The following OTUD4 variants were observed in gnomAD, a reference collection of about 807,000 sequenced individuals.
OTUD4 encodes the protein OTU deubiquitinase 4.
A neutral mutation model predicts 130.4 loss-of-function variants in OTUD4; 24 were observed. The observed-to-expected ratio is 0.18, with a 90% confidence interval of 0.13 to 0.26. The LOEUF is 0.26. OTUD4 is among the 10% of genes least tolerant of loss of function. The pLI is 1.00. For synonymous variants in OTUD4, 420 were observed against 472.5 expected, an observed-to-expected ratio of 0.89 and a Z score of 1.44; for missense variants, 1,031 against 1,329.4, an observed-to-expected ratio of 0.78 and a Z score of 3.49.
chr4:145,149,809 GT>G (rs1470245342), intron 13 of OTUD4, among the ~76,000 whole-genome samples: 1 of 152,224 alleles, frequency 6.6e-6, no homozygotes, highest in Non-Finnish European at 1.5e-5. Flanking sequence ...AAAGGTACTT[GT>G]CATAGTCACC....
chr4:145,176,046 T>C (rs1057147985), intron 1 of OTUD4, among the ~76,000 whole-genome samples: 12 of 150,360 alleles, frequency 8.0e-5, no homozygotes, highest in East Asian at 2.0e-4. Flanking sequence ...TTCTTTCTTT[T>C]TTTTTTTTCC....
chr4:145,169,395 T>C (rs1303380529), intron 3 of OTUD4, among the ~76,000 whole-genome samples: 1 of 152,246 alleles, frequency 6.6e-6, no homozygotes, highest in Non-Finnish European at 1.5e-5. Context: ...CTCTGAGAAC[T>C]GGATGAAGCA....
At chr4:145,155,514 CT>C in intron 9 of OTUD4, 39 bp from the exon 10 acceptor site, 4 of 1,598,132 alleles carry the variant, frequency 2.5e-6, no homozygotes, top group Non-Finnish European at 2.6e-6. Context: ...ATAAAGTTGA[CT>C]TATTTTCAAG....
intron 6 of OTUD4, among the ~76,000 whole-genome samples, chr4:145,159,956 T>C (rs1751478646): frequency 6.6e-6 from 1 of 152,228 alleles, no homozygotes. Context: ...CACTGAGCAA[T>C]TATTACTACT....
intron 1 of OTUD4, chr4:145,178,274 T>C (rs1045535259): frequency 5.3e-5 from 8 of 152,206 alleles, no homozygotes; most frequent in Non-Finnish European, 1.0e-4. Flanking sequence ...GGCACACCCT[T>C]CTGCTTCAAT....
At position 145,136,509 on chromosome 4, in the gene OTUD4, T is replaced by TA. The variant is rs1750277785; in HGVS notation, c.*920dup. The TA allele has an allele frequency of 1.0e-5, 1 of 99,128 alleles. No individual in the cohort carries two copies. Among genetic ancestry groups the TA allele is most frequent in the Admixed American group, 1.5e-4 (1 of 6,540 alleles). 6.1% of individuals were successfully genotyped at this position (99,128 alleles called of 1,614,324 possible). ...AAACAACTCTAGAAACCTGTCAAGC[T>TA]AAAAATTTTTAACATTTCTTCTCAC... On this transcript the variant is annotated 3_prime_UTR_variant, in exon 21 of 21. Coordinates refer to ENST00000447906, the MANE Select transcript of OTUD4 (RefSeq NM_001366057.1).
intron 13 of OTUD4, among the ~76,000 whole-genome samples, chr4:145,147,771 C>T (rs757284802): frequency 2.8e-4 from 42 of 152,148 alleles, no homozygotes; most frequent in Non-Finnish European, 5.4e-4. Context: ...TCCAGCACTA[C>T]GGTTCTCTTT....
rs780125117 is a variant in OTUD4 at position 145,155,557 on chromosome 4, T to C, written c.808+12A>G. 1.9e-6 allele frequency: 3 copies of C among 1,603,402 alleles called. No individual in the cohort carries two copies. The African/African-American group carries it at 4.0e-5, about 22-fold the overall frequency. Reference sequence around the variant, plus strand: ...AAAGCAAATTTATGGAAAATGCAGATTTTTAACTCACCTTGTTTAGACTTC... The same window carrying C: ...AAAGCAAATTTATGGAAAATGCAGACTTTTAACTCACCTTGTTTAGACTTC... On this transcript the variant is annotated intron_variant, in intron 9 of 20. Transcript: ENST00000447906.
chr4:145,171,786 T>G, intron 2 of OTUD4, 66 bp from the exon 3 acceptor site: 1 of 775,174 alleles, frequency 1.3e-6, no homozygotes, highest in Non-Finnish European at 2.3e-6. Context: ...ACCGCTTCGC[T>G]GTGTAAACAT....
chr4:145,170,056 T>C (rs968947654), intron 3 of OTUD4, among the ~76,000 whole-genome samples: 2 of 152,196 alleles, frequency 1.3e-5, no homozygotes, highest in South Asian at 2.1e-4. Flanking sequence ...CAATTTTAGA[T>C]AGGATAACCA....
intron 13 of OTUD4, among the ~76,000 whole-genome samples, chr4:145,150,306 G>T (rs36226300): frequency 6.6e-6 from 1 of 152,182 alleles, no homozygotes; most frequent in African/African-American, 2.4e-5. Flanking sequence ...AAAAATAAAG[G>T]TCTCTCTATA....
At chr4:145,179,677 T>G (rs369201582) in intron 1 of OTUD4, 138 bp downstream of exon 1, 1 of 1,405,276 alleles carries the variant, frequency 7.1e-7, no homozygotes, top group Non-Finnish European at 9.2e-7. Flanking sequence ...GGCGTTACAA[T>G]GGGGCGCTGT....
rs753802850 is a variant in OTUD4 at position 145,138,187 on chromosome 4, T to C, written c.2588A>G (p.Tyr863Cys). ...TATGAATCCCTGAAAAGGGTACCCA[T>C]ACCAAACATGAGGAAAGAAAGGAGG... is the stretch of plus-strand genomic sequence containing the variant. ...IAPPFFPHVW[Y>C]GYPFQGFIEN... is the part of the protein sequence containing the mutation. Residue 863 changes from tyrosine to cysteine, a missense_variant, in exon 21 of 21, where the codon TAT becomes TGT. Tyr to Cys is a radical substitution (Grantham distance 194). Around this residue, in one of 3 missense-constraint regions of OTUD4, gnomAD observed 900 missense variants for 1,095.9 expected, o/e 0.82. Coordinates refer to ENST00000447906, the MANE Select transcript of OTUD4 (RefSeq NM_001366057.1). 15 of 1,613,834 alleles carry C rather than the reference T, an allele frequency of 9.3e-6. No individual in the cohort carries two copies. Among genetic ancestry groups the C allele is most frequent in the African/African-American group, 1.3e-5 (1 of 74,898 alleles).
intron 7 of OTUD4, among the ~76,000 whole-genome samples, chr4:145,156,649 C>T (rs1050165494): frequency 1.3e-4 from 19 of 151,874 alleles, no homozygotes; most frequent in African/African-American, 4.1e-4. Context: ...CACCACTGCA[C>T]TCCAGCCTGG....
intron 7 of OTUD4, among the ~76,000 whole-genome samples, chr4:145,158,524 A>T (rs1183636331): frequency 1.3e-5 from 2 of 151,898 alleles, no homozygotes; most frequent in Non-Finnish European, 2.9e-5. Flanking sequence ...AAAAAAAAAC[A>T]AATCAAGAGA....
chr4:145,137,858 C>G lies in OTUD4; in HGVS notation c.2917G>C (p.Glu973Gln). 1 of 1,613,918 alleles carries G rather than the reference C, an allele frequency of 6.2e-7. No individual in the cohort carries two copies. The highest frequency in any genetic ancestry group is 1.1e-5 in the South Asian group (1 of 91,078). Residue 973 changes from glutamate to glutamine, a missense_variant, in exon 21 of 21, where the codon GAA (glutamate) becomes CAA (glutamine). Coordinates refer to ENST00000447906, the MANE Select transcript of OTUD4 (RefSeq NM_001366057.1). ...GGTTCAAGTTCAACAGGCACAGTTT[C>G]TCTCTCTCTGTTTAGAATCTGAGTG... ...PPTQILNRER[E>Q]TVPVELEPKR...
chr4:145,144,256 G>A, intron 15 of OTUD4, 55 bp downstream of exon 15: 1 of 1,558,376 alleles, frequency 6.4e-7, no homozygotes, highest in Non-Finnish European at 8.7e-7. Context: ...ATGACATTAA[G>A]CCAGTCATCT....
In OTUD4 at chr4:145,144,444, G is replaced by T; in HGVS notation, c.1423-10C>A. 4 of 1,604,992 alleles carry T rather than the reference G, an allele frequency of 2.5e-6. No individual in the cohort carries two copies. In the South Asian group the frequency reaches 4.5e-5, roughly 18 times the overall value. On this transcript the variant is annotated splice_polypyrimidine_tract_variant and intron_variant, in intron 14 of 20. Coordinates refer to ENST00000447906, the MANE Select transcript of OTUD4 (RefSeq NM_001366057.1). ...GATTGACTGATGAGCTCTTTAAAAT[G>T]AACAAAACCCAACATTTTGTGTTAA...
chr4:145,153,518 C>T (rs1180816451), intron 10 of OTUD4, among the ~76,000 whole-genome samples: 1 of 152,210 alleles, frequency 6.6e-6, no homozygotes, highest in African/African-American at 2.4e-5. Context: ...GTGAGAGCAA[C>T]TATTATTACA....
Sources: gnomAD v4.1 joint callset for allele counts (sites outside exome capture counted in the v4.1 genomes callset) on GRCh38, gnomAD v4.1.1 for gene constraint, gnomAD v4.1.1 regional missense constraint, MANE v1.5 for transcripts, NCBI Gene and HGNC (gene_info 2026-07-23, HGNC 2026-07-21) for gene names.